Variants in MRPL13 observed in about 807,000 individuals in gnomAD.
The protein encoded by MRPL13 is mitochondrial ribosomal protein L13.
A neutral mutation model predicts 29.0 loss-of-function variants in MRPL13; 33 were observed. That is an observed-to-expected ratio of 1.14 (90% CI 0.86 to 1.52). The LOEUF (loss-of-function observed/expected upper bound fraction) is 1.52, where lower values mean the gene tolerates loss of function less well. MRPL13 is among the 40% of genes most tolerant of loss of function. The pLI is 0.00. For missense variants in MRPL13, 227 were observed against 216.7 expected, an observed-to-expected ratio of 1.05 and a Z score of -0.30; for synonymous variants, 77 against 68.4, an observed-to-expected ratio of 1.13 and a Z score of -0.62.
chr8:120,407,189 G>T (rs1812678344), intron 6 of MRPL13, among the ~76,000 whole-genome samples: 2 of 152,152 alleles, frequency 1.3e-5, no homozygotes, highest in Non-Finnish European at 1.5e-5. Flanking sequence ...AGAAATGACA[G>T]AAGTCAAAAC....
intron 6 of MRPL13, among the ~76,000 whole-genome samples, chr8:120,411,776 C>T (rs558492155): frequency 6.6e-6 from 1 of 152,126 alleles, no homozygotes; most frequent in South Asian, 2.1e-4. Context: ...AATCTATTCC[C>T]AGAGTAGTAA....
intron 3 of MRPL13, among the ~76,000 whole-genome samples, chr8:120,427,542 C>T (rs567882574): frequency 3.3e-5 from 5 of 152,072 alleles, no homozygotes; most frequent in South Asian, 4.1e-4. Context: ...AACAGTCAAG[C>T]GGAGAGTCAA....
At chr8:120,401,200 TA>T (rs2130449841) in intron 6 of MRPL13, among the ~76,000 whole-genome samples, 1 of 151,980 alleles carries the variant, frequency 6.6e-6, no homozygotes, top group African/African-American at 2.4e-5. Flanking sequence ...TACAACAACA[TA>T]AAGAAAACTT....
chr8:120,417,987 G>C (rs1812824089), intron 5 of MRPL13, among the ~76,000 whole-genome samples: 1 of 151,958 alleles, frequency 6.6e-6, no homozygotes, highest in African/African-American at 2.4e-5. Context: ...TTTAAAGATA[G>C]TCTCTGAAAA....
chr8:120,415,238 G>A (rs1446999316), intron 5 of MRPL13: 1 of 152,172 alleles, frequency 6.6e-6, no homozygotes, highest in Non-Finnish European at 1.5e-5. Flanking sequence ...TAAGATATCA[G>A]TATGGAAGTG....
At chr8:120,426,767 GT>G (rs1378257073) in intron 3 of MRPL13, among the ~76,000 whole-genome samples, 5 of 152,040 alleles carry the variant, frequency 3.3e-5, no homozygotes, top group African/African-American at 7.2e-5. Context: ...CTAGCCAAGG[GT>G]TTTTCATTGA....
Position 120,426,237 on chromosome 8 carries a change from T to C in MRPL13, c.246-871A>G, listed in dbSNP as rs139022339. On this transcript the variant is annotated intron_variant, in intron 3 of 6. Transcript: ENST00000306185. ...CGATTTTCAAGAAAGGGGGAAGAAA[T>C]TGGAAAGTCAGTGTGGAATCTGCAA... Among the ~76,000 whole-genome samples, 695 of 152,122 alleles carry C rather than the reference T, an allele frequency of 4.6e-3. 8 individuals carry two copies. The highest frequency in any genetic ancestry group is 0.016 in the African/African-American group (668 of 41,540).
chr8:120,418,502 G>T (rs564447619), intron 5 of MRPL13, among the ~76,000 whole-genome samples: 2 of 152,046 alleles, frequency 1.3e-5, no homozygotes, highest in East Asian at 3.9e-4. Context: ...AAGTGTGCCT[G>T]TTTCCCCCAT....
At chr8:120,441,407 C>T (rs950911420) in intron 2 of MRPL13, among the ~76,000 whole-genome samples, 2 of 152,052 alleles carry the variant, frequency 1.3e-5, no homozygotes, top group South Asian at 4.2e-4. Context: ...GGCCCTGACG[C>T]ACTTCCAATT....
chr8:120,411,848 A>G (rs1385135879), intron 6 of MRPL13, among the ~76,000 whole-genome samples: 1 of 152,160 alleles, frequency 6.6e-6, no homozygotes, highest in Non-Finnish European at 1.5e-5. Flanking sequence ...TAGCTATAGA[A>G]AAGCCCTTTC....
intron 6 of MRPL13, among the ~76,000 whole-genome samples, chr8:120,403,743 A>C (rs560150587): frequency 6.6e-6 from 1 of 152,344 alleles, no homozygotes; most frequent in South Asian, 2.1e-4. Context: ...TTAATCTACT[A>C]GTCCTTTTCT....
chr8:120,396,241 A>G, intron 6 of MRPL13, 116 bp from the exon 7 acceptor site: 1 of 749,288 alleles, frequency 1.3e-6, no homozygotes, highest in Non-Finnish European at 2.2e-6. Context: ...AAATAGCTAC[A>G]AACACTATAT....
intron 2 of MRPL13, among the ~76,000 whole-genome samples, chr8:120,440,473 C>T (rs1180399351): frequency 1.3e-5 from 2 of 151,938 alleles, no homozygotes; most frequent in Non-Finnish European, 2.9e-5. Flanking sequence ...GGTGTGGTGG[C>T]ATATGCCTGT....
chr8:120,419,966 G>C, intron 4 of MRPL13, 28 bp from the exon 5 acceptor site: 1 of 1,428,656 alleles, frequency 7.0e-7, no homozygotes, highest in African/African-American at 1.4e-5. Context: ...GACACAATAA[G>C]AAAATTGTGA....
At chr8:120,428,719 C>A (rs560265723) in intron 3 of MRPL13, among the ~76,000 whole-genome samples, 2 of 152,086 alleles carry the variant, frequency 1.3e-5, no homozygotes, top group African/African-American at 4.8e-5. Context: ...ATATGGCCAA[C>A]AATCATGAAA....
chr8:120,438,271 G>A (rs550232347), intron 2 of MRPL13, among the ~76,000 whole-genome samples: 1 of 152,308 alleles, frequency 6.6e-6, no homozygotes, highest in African/African-American at 2.4e-5. Flanking sequence ...GGCTCAGAAG[G>A]TGGAGGCTGC....
chr8:120,411,675 A>G (rs1350293515), intron 6 of MRPL13, among the ~76,000 whole-genome samples: 1 of 152,200 alleles, frequency 6.6e-6, no homozygotes, highest in East Asian at 1.9e-4. Context: ...TGAGGAAAAA[A>G]TCACAACCTT....
At chr8:120,405,523 TGGG>T (rs1812656459) in intron 6 of MRPL13, among the ~76,000 whole-genome samples, 2 of 152,342 alleles carry the variant, frequency 1.3e-5, no homozygotes, top group South Asian at 4.1e-4. Context: ...CTAATTAGCA[TGGG>T]TTCCCCTTAG....
chr8:120,418,593 T>G (rs1214661562), intron 5 of MRPL13, among the ~76,000 whole-genome samples: 3 of 152,084 alleles, frequency 2.0e-5, no homozygotes, highest in African/African-American at 7.2e-5. Context: ...TTTTATAGTC[T>G]GAAATGAAAT....
Sources: allele counts gnomAD v4.1 joint callset (sites outside exome capture counted in the v4.1 genomes callset), GRCh38; gene constraint gnomAD v4.1.1; transcripts MANE v1.5; gene names NCBI Gene and HGNC (gene_info 2026-07-23, HGNC 2026-07-21).